Variants in GPC6 observed in about 807,000 individuals in gnomAD.
GPC6 encodes glypican 6.
A neutral mutation model predicts 55.2 loss-of-function variants in GPC6; 14 were observed. The observed-to-expected ratio is 0.25, with a 90% CI of 0.17 to 0.40. The LOEUF is 0.40. Ranked by LOEUF, GPC6 falls within the 10% of genes least tolerant of loss-of-function variation. The pLI, the probability that GPC6 is intolerant of heterozygous loss-of-function variation, is 1.00. For missense variants in GPC6, 641 were observed against 708.5 expected, an observed-to-expected ratio of 0.90 and a Z score of 1.08; for synonymous variants, 278 against 259.6, an observed-to-expected ratio of 1.07 and a Z score of -0.68.
intron 1 of GPC6, among the ~76,000 whole-genome samples, chr13:93,408,832 G>T (rs1326785797): frequency 1.3e-5 from 2 of 152,008 alleles, no homozygotes; most frequent in African/African-American, 4.8e-5. Flanking sequence ...CAGGGATGGG[G>T]CCATATAATC....
At chr13:94,202,654 C>T (rs987911495) in intron 4 of GPC6, among the ~76,000 whole-genome samples, 1 of 152,112 alleles carries the variant, frequency 6.6e-6, no homozygotes, top group Non-Finnish European at 1.5e-5. Flanking sequence ...TGAACCATAT[C>T]AGTGCAAGAA....
At chr13:93,228,635 A>C (rs917513788) in intron 1 of GPC6, among the ~76,000 whole-genome samples, 5 of 152,108 alleles carry the variant, frequency 3.3e-5, no homozygotes, top group African/African-American at 1.2e-4. Context: ...GGGAGAGATA[A>C]TCCTTTGGCT....
At chr13:93,546,907 C>A (rs1874821017) in intron 2 of GPC6, among the ~76,000 whole-genome samples, 1 of 152,056 alleles carries the variant, frequency 6.6e-6, no homozygotes, top group South Asian at 2.1e-4. Flanking sequence ...AAGCTGTACT[C>A]CAAAGTGATT....
intron 4 of GPC6, among the ~76,000 whole-genome samples, chr13:94,229,268 A>G (rs1890647634): frequency 6.6e-6 from 1 of 152,078 alleles, no homozygotes; most frequent in East Asian, 1.9e-4. Flanking sequence ...TTGTTCTTTT[A>G]TTATCTCAGA....
At chr13:93,518,662 T>C (rs1881297119) in intron 1 of GPC6, among the ~76,000 whole-genome samples, 1 of 152,034 alleles carries the variant, frequency 6.6e-6, no homozygotes, top group Non-Finnish European at 1.5e-5. Context: ...TGGGACTCTC[T>C]TGGGCCAGTA....
chr13:93,955,680 G>C (rs1450511392), intron 3 of GPC6, among the ~76,000 whole-genome samples: 1 of 152,174 alleles, frequency 6.6e-6, no homozygotes, highest in African/African-American at 2.4e-5. Context: ...GGCTATTCTA[G>C]TAACATGTTC....
intron 2 of GPC6, among the ~76,000 whole-genome samples, chr13:93,802,556 T>C (rs1355066771): frequency 6.6e-6 from 1 of 152,000 alleles, no homozygotes; most frequent in African/African-American, 2.4e-5. Flanking sequence ...TAACCACCAA[T>C]CCTGGCTAAG....
intron 2 of GPC6, among the ~76,000 whole-genome samples, chr13:93,608,723 G>C (rs1047974113): frequency 1.3e-5 from 2 of 152,316 alleles, no homozygotes; most frequent in African/African-American, 4.8e-5. Flanking sequence ...TGCAACCGCT[G>C]TCCTGCCACG....
At chr13:93,431,589 C>A (rs763178151) in intron 1 of GPC6, among the ~76,000 whole-genome samples, 2 of 152,052 alleles carry the variant, frequency 1.3e-5, no homozygotes, top group Non-Finnish European at 2.9e-5. Flanking sequence ...AAAGCACTTA[C>A]AATTTGTTTA....
chr13:94,179,305 C>G (rs943371600), intron 4 of GPC6, among the ~76,000 whole-genome samples: 1 of 152,086 alleles, frequency 6.6e-6, no homozygotes, highest in Non-Finnish European at 1.5e-5. Flanking sequence ...TCAGAAATCT[C>G]TTATGTCTTA....
chr13:93,988,918 G>A (rs958948755), intron 3 of GPC6, among the ~76,000 whole-genome samples: 2 of 152,088 alleles, frequency 1.3e-5, no homozygotes, highest in Admixed American at 1.3e-4. Context: ...CAGAAAGATA[G>A]ATAGATACAT....
At chr13:94,315,253 G>A (rs192630548) in intron 6 of GPC6, among the ~76,000 whole-genome samples, 4 of 152,326 alleles carry the variant, frequency 2.6e-5, no homozygotes, top group East Asian at 1.9e-4. Context: ...TTCCTATGCT[G>A]TATTGATCCA....
chr13:93,999,628 CT>C (rs1483534848), intron 3 of GPC6, among the ~76,000 whole-genome samples: 5 of 152,142 alleles, frequency 3.3e-5, no homozygotes, highest in Admixed American at 6.5e-5. Context: ...GGATTTTCTA[CT>C]TTTTAAAGAC....
chr13:93,872,660 T>A (rs1423892560), intron 3 of GPC6, among the ~76,000 whole-genome samples: 2 of 151,948 alleles, frequency 1.3e-5, no homozygotes, highest in African/African-American at 2.4e-5. Flanking sequence ...TTCTTCTGAT[T>A]ACTCTGGGCC....
intron 2 of GPC6, among the ~76,000 whole-genome samples, chr13:93,612,544 A>ACAC (rs1555316453): frequency 2.1e-4 from 15 of 71,082 alleles, no homozygotes; most frequent in African/African-American, 6.0e-4. Flanking sequence ...CACACACACA[A>ACAC]ACTTCATGTG....
At chr13:93,217,935 A>G in the GPC6 span, among the ~76,000 whole-genome samples, 1 of 152,192 alleles carries the variant, frequency 6.6e-6, no homozygotes, top group African/African-American at 2.4e-5. Flanking sequence ...ACCAATTAAA[A>G]GCAAACAGCA....
At chr13:93,282,523 A>G (rs1035021055) in intron 1 of GPC6, among the ~76,000 whole-genome samples, 3 of 136,650 alleles carry the variant, frequency 2.2e-5, no homozygotes, top group Non-Finnish European at 4.6e-5. Flanking sequence ...AATTACAGTG[A>G]AAAAAAAAAA....
chr13:94,053,683 A>G (rs1167763922), intron 4 of GPC6, among the ~76,000 whole-genome samples: 1 of 152,168 alleles, frequency 6.6e-6, no homozygotes, highest in East Asian at 1.9e-4. Flanking sequence ...CCATCTATAT[A>G]TGTAACTCCA....
chr13:93,449,569 CA>C (rs1298695174), intron 1 of GPC6, among the ~76,000 whole-genome samples: 1 of 152,156 alleles, frequency 6.6e-6, no homozygotes, highest in African/African-American at 2.4e-5. Context: ...TGCTCACGCA[CA>C]TAATCCCAAC....
Sources: gnomAD v4.1 joint callset for allele counts (sites outside exome capture counted in the v4.1 genomes callset) on GRCh38, gnomAD v4.1.1 for gene constraint, MANE v1.5 for transcripts, NCBI Gene and HGNC (gene_info 2026-07-23, HGNC 2026-07-21) for gene names.